WSB2: variants seen among roughly 807,000 people sequenced by gnomAD.
WSB2 encodes WD repeat and SOCS box containing 2, also known as WD repeat and SOCS box-containing protein 2.
A neutral mutation model predicts 48.8 loss-of-function variants in WSB2; 12 were observed. The ratio of observed to expected loss-of-function variants is 0.25; its 90% CI spans 0.16 to 0.40. WSB2 has a LOEUF of 0.40. Among genes scored for constraint, WSB2 ranks in the 10% least tolerant of loss-of-function variants. The probability of loss-of-function intolerance (pLI) is 1.00; values close to 1 mark genes in which losing one functional copy is unlikely to be tolerated. For synonymous variants in WSB2, 191 were observed against 203.1 expected (o/e 0.94, Z 0.51); for missense variants, 317 against 506.2 (o/e 0.63, Z 3.59).
At chr12:118,034,574 G>GGT in intron 8 of WSB2, 1 of 528,454 alleles carries the variant, frequency 1.9e-6, no homozygotes, top group Non-Finnish European at 3.3e-6. Context: ...ATACCAAAGC[G>GGT]CTCTCTCTGT....
intron 2 of WSB2, 97 bp from the exon 3 acceptor site, chr12:118,043,474 A>G: frequency 6.7e-7 from 1 of 1,493,610 alleles, no homozygotes; most frequent in East Asian, 2.3e-5. Context: ...AGTGGAGGGA[A>G]GGGTCTGTCA....
rs2031408241 is a variant in WSB2 at position 118,033,166 on chromosome 12, A to T, written c.*1030T>A. Reference sequence around the variant, plus strand: ...AATGAGGTGTCTTGATTAGATAACTACATGCCACTGAAGGAGAACAGTACT... The same window carrying T: ...AATGAGGTGTCTTGATTAGATAACTTCATGCCACTGAAGGAGAACAGTACT... On this transcript the variant is annotated 3_prime_UTR_variant, in exon 9 of 9. Transcript: ENST00000315436. 1 of 152,218 alleles carries T rather than the reference A, an allele frequency of 6.6e-6. No homozygotes were observed. Among genetic ancestry groups the T allele is most frequent in the Non-Finnish European group, 1.5e-5 (1 of 68,040 alleles). 9.4% of individuals were successfully genotyped at this position (152,218 alleles called of 1,614,324 possible). A position where few individuals can be genotyped will look rare whatever the true frequency, so the allele number is the denominator to read the frequency against.
At chr12:118,042,307 C>T (rs1456217661) in intron 4 of WSB2, 1 of 153,708 alleles carries the variant, frequency 6.5e-6, no homozygotes, top group African/African-American at 2.4e-5. Context: ...GACATGGGGA[C>T]TTTTTTGCTT....
rs2031406511 is a variant in WSB2, at chr12:118,033,124, A to G, written c.*1072T>C. 6.6e-6 allele frequency: 1 copy of G among 152,168 alleles called. No homozygotes were observed. Among genetic ancestry groups the G allele is most frequent in the African/African-American group, 2.4e-5 (1 of 41,442 alleles). 9.4% of individuals were successfully genotyped at this position (152,168 alleles called of 1,614,324 possible). On this transcript the variant is annotated 3_prime_UTR_variant, in exon 9 of 9. Transcript: ENST00000315436. ...AATTTAAAATATATTAAATTTTCCTAAGGCAGGTTTTGTTTGAATGAGGTG... is the reference window on the plus strand; with the variant it reads ...AATTTAAAATATATTAAATTTTCCTGAGGCAGGTTTTGTTTGAATGAGGTG...
intron 2 of WSB2, among the ~76,000 whole-genome samples, chr12:118,044,432 A>AT (rs2031705517): frequency 6.6e-6 from 1 of 152,230 alleles, no homozygotes; most frequent in Non-Finnish European, 1.5e-5. Context: ...GAGTTGGAAA[A>AT]TAAACTCATC....
At chr12:118,044,491 G>T (rs1487800795) in intron 2 of WSB2, among the ~76,000 whole-genome samples, 2 of 152,106 alleles carry the variant, frequency 1.3e-5, no homozygotes, top group Non-Finnish European at 2.9e-5. Context: ...CTTCACTCAC[G>T]ATGTTGCAAC....
At chr12:118,062,052 A>G, upstream of WSB2, 1 of 1,520,742 alleles carries the variant, frequency 6.6e-7, no homozygotes, top group Non-Finnish European at 8.8e-7. Context: ...GAACGAGATA[A>G]AAAACGGGGC....
In WSB2 at chr12:118,032,698, A is replaced by G. The variant is rs2137753599; in HGVS notation, c.*1498T>C. ...AGCACCACACTAAGTTTTTTTGGCTATTTATTTATTTATTTTTTAAATAAA... is the reference window on the plus strand; with the variant it reads ...AGCACCACACTAAGTTTTTTTGGCTGTTTATTTATTTATTTTTTAAATAAA... On this transcript the variant is annotated 3_prime_UTR_variant, in exon 9 of 9. Coordinates refer to ENST00000315436, the MANE Select transcript of WSB2 (RefSeq NM_018639.5). 8.3e-6 allele frequency: 1 copy of G among 120,452 alleles called. No individual in the cohort carries two copies. Among genetic ancestry groups the G allele is most frequent in the Admixed American group, 7.4e-5 (1 of 13,472 alleles). The allele number at this position is 120,452 out of a possible 1,614,324, so 7.5% of individuals were successfully genotyped here.
rs2137805613 is a variant in WSB2 at position 118,060,733 on chromosome 12, G to A, written c.13+303C>T. On this transcript the variant is annotated intron_variant, in intron 1 of 8. Transcript: ENST00000315436. The surrounding 1 kb of genome is among the most constrained non-coding windows in gnomAD (Gnocchi z 4.1). ...TTTAGGGCTTGGTGCCCCCCGCCCC[G>A]AGTCCCACCCGGGAGCCCCCTCTGT... Among the ~76,000 whole-genome samples, 1 of 151,932 alleles carries A rather than the reference G, an allele frequency of 6.6e-6. No homozygotes were observed. Among genetic ancestry groups the A allele is most frequent in the Non-Finnish European group, 1.5e-5 (1 of 67,878 alleles).
intron 2 of WSB2, among the ~76,000 whole-genome samples, chr12:118,049,480 C>T (rs990115893): frequency 6.6e-6 from 1 of 151,974 alleles, no homozygotes; most frequent in Non-Finnish European, 1.5e-5. Context: ...CAGCTCACTG[C>T]AACCTCCGCC....
In WSB2 at chr12:118,060,715, CT is replaced by C. The variant is rs2032045019; in HGVS notation, c.13+320del. Among the ~76,000 whole-genome samples, 1 of 152,080 alleles carries C rather than the reference CT, an allele frequency of 6.6e-6. No individual in the cohort carries two copies. Among genetic ancestry groups the C allele is most frequent in the East Asian group, 1.9e-4 (1 of 5,154 alleles). ...CCCCTTGGGGATCTCCGTTTTAGGG[CT>C]TGGTGCCCCCCGCCCCGAGTCCCAC... On this transcript the variant is annotated intron_variant, in intron 1 of 8. Transcript: ENST00000315436. The surrounding 1 kb of genome is among the most constrained non-coding windows in gnomAD (Gnocchi z 4.1).
intron 4 of WSB2, among the ~76,000 whole-genome samples, chr12:118,042,169 T>C (rs182178608): frequency 5.4e-4 from 82 of 152,340 alleles, no homozygotes; most frequent in Admixed American, 1.8e-3. Flanking sequence ...TGATGCCCCA[T>C]AGCCTGAGAG....
intron 1 of WSB2, among the ~76,000 whole-genome samples, chr12:118,057,920 C>T (rs575410504): frequency 6.4e-4 from 96 of 149,142 alleles, no homozygotes; most frequent in Admixed American, 1.5e-3. Flanking sequence ...CCACACTCAG[C>T]ATTTTTTTTT....
intron 6 of WSB2, chr12:118,035,640 G>T: frequency 3.9e-6 from 1 of 256,716 alleles, no homozygotes; most frequent in Non-Finnish European, 7.5e-6. Context: ...GATAATTATA[G>T]GACTGCCTAT....
Position 118,035,240 on chromosome 12 carries a change from C to A in WSB2, c.918G>T (p.Leu306Phe), listed in dbSNP as rs1472614283. The A allele has an allele frequency of 6.2e-7, 1 of 1,614,202 alleles. No individual in the cohort carries two copies. The highest frequency in any genetic ancestry group is 1.1e-5 in the South Asian group (1 of 91,090). The change falls in exon 7 of 9, where the codon TTG (leucine) becomes TTT (phenylalanine). Residue 306 changes from leucine to phenylalanine, a missense_variant. This residue lies in a region of WSB2 where 189 missense variants were observed against 349.6 expected (regional missense o/e 0.54). Coordinates refer to ENST00000315436, the MANE Select transcript of WSB2 (RefSeq NM_018639.5). ...LRSVCFSPEG[L>F]YLATVADDRL... ...TGTCATCTGCCACCGTGGCAAGGTA[C>A]AAGCCTTCTGGAGAGAAGCACACAG...
At chr12:118,039,901 G>A (rs553791125) in intron 4 of WSB2, among the ~76,000 whole-genome samples, 1 of 151,938 alleles carries the variant, frequency 6.6e-6, no homozygotes, top group East Asian at 1.9e-4. Flanking sequence ...CTGCCACCAT[G>A]CCCTGCTAAT....
At position 118,034,977 on chromosome 12, in the gene WSB2, A is replaced by C; in HGVS notation, c.1052+9T>G. On this transcript the variant is annotated intron_variant, in intron 8 of 8. Coordinates refer to ENST00000315436, the MANE Select transcript of WSB2 (RefSeq NM_018639.5). The stretch of plus-strand genomic sequence containing the variant: ...GCACCACCCATCTGTTCAGCTAACA[A>C]ATACATACCCTGTGGCAATGACTCC... 1 of 1,613,586 alleles carries C rather than the reference A, an allele frequency of 6.2e-7. No homozygotes were observed. The highest frequency in any genetic ancestry group is 8.5e-7 in the Non-Finnish European group (1 of 1,179,486).
At chr12:118,054,590 A>C (rs894157041) in intron 1 of WSB2, among the ~76,000 whole-genome samples, 9 of 151,864 alleles carry the variant, frequency 5.9e-5, no homozygotes, top group South Asian at 2.1e-4. Flanking sequence ...GAATCGCTTG[A>C]ACCCGGGAGG....
chr12:118,058,993 A>G (rs10774977), intron 1 of WSB2, among the ~76,000 whole-genome samples: 47,789 of 151,888 alleles, frequency 0.31, 8,408 homozygotes, highest in East Asian at 0.55. Flanking sequence ...ACCCCGGCGC[A>G]TTTGGTTGAT....
Sources: allele counts gnomAD v4.1 joint callset (sites outside exome capture counted in the v4.1 genomes callset), GRCh38; gene constraint gnomAD v4.1.1; regional missense constraint gnomAD v4.1.1; non-coding constraint Gnocchi (gnomAD v3.1); transcripts MANE v1.5; gene names NCBI Gene and HGNC (gene_info 2026-07-23, HGNC 2026-07-21).